Variants in CDH4 observed in about 807,000 individuals in gnomAD.
CDH4 encodes the protein cadherin-4.
Under a neutral mutation model 86.0 loss-of-function variants are expected in CDH4, and 33 were observed. The ratio of observed to expected loss-of-function variants is 0.38; its 90% confidence interval spans 0.29 to 0.51. CDH4 has a LOEUF of 0.51. CDH4 is among the 20% of genes least tolerant of loss of function. The pLI, the probability that CDH4 is intolerant of heterozygous loss-of-function variation, is 0.86. For synonymous variants in CDH4, 555 were observed against 549.4 expected, an observed-to-expected ratio of 1.01 and a Z score of -0.14; for missense variants, 1,114 against 1,307.4, an observed-to-expected ratio of 0.85 and a Z score of 2.28.
intron 8 of CDH4, among the ~76,000 whole-genome samples, chr20:61,898,731 G>A (rs906196742): frequency 2.0e-5 from 3 of 152,182 alleles, no homozygotes; most frequent in Non-Finnish European, 4.4e-5. Flanking sequence ...ATTTTATCCC[G>A]GCTTTCCACC....
chr20:61,402,552 C>T (rs2085055390), intron 2 of CDH4, among the ~76,000 whole-genome samples: 1 of 152,102 alleles, frequency 6.6e-6, no homozygotes, highest in African/African-American at 2.4e-5. Flanking sequence ...CCACCATGCC[C>T]TGCTAATTTT....
chr20:61,732,671 C>T (rs1052586390), intron 2 of CDH4, among the ~76,000 whole-genome samples: 2 of 152,350 alleles, frequency 1.3e-5, no homozygotes, highest in East Asian at 3.9e-4. Flanking sequence ...GCACGTCCAG[C>T]TGCCAGCTCA....
chr20:61,354,823 T>G (rs28623328), intron 2 of CDH4, among the ~76,000 whole-genome samples: 39,167 of 152,144 alleles, frequency 0.26, 5,315 homozygotes, highest in South Asian at 0.37. Flanking sequence ...TGCTGGAACC[T>G]GCCAGGGGTG....
chr20:61,634,815 C>G (rs1001150051), intron 2 of CDH4, among the ~76,000 whole-genome samples: 6 of 152,366 alleles, frequency 3.9e-5, no homozygotes, highest in Non-Finnish European at 7.3e-5. Flanking sequence ...CTTCCCACTT[C>G]CCCTCCTGCC....
chr20:61,732,665 G>C (rs935551469), intron 2 of CDH4, among the ~76,000 whole-genome samples: 3 of 152,190 alleles, frequency 2.0e-5, no homozygotes, highest in Non-Finnish European at 4.4e-5. Context: ...AGCCAGGCAC[G>C]TCCAGCTGCC....
chr20:61,531,472 CAAAAA>C (rs956436259), intron 2 of CDH4, among the ~76,000 whole-genome samples: 2 of 44,098 alleles, frequency 4.5e-5, no homozygotes, highest in Admixed American at 2.3e-4. Flanking sequence ...GACTGCATCT[CAAAAA>C]AAAAAAAAAA....
At chr20:61,896,617 A>G (rs1985135149) in intron 8 of CDH4, among the ~76,000 whole-genome samples, 1 of 152,248 alleles carries the variant, frequency 6.6e-6, no homozygotes, top group Non-Finnish European at 1.5e-5. Context: ...CAGCCCCAGG[A>G]TGCAACAGCT....
At chr20:61,932,125 T>C (rs1432374132) in intron 13 of CDH4, among the ~76,000 whole-genome samples, 1 of 152,126 alleles carries the variant, frequency 6.6e-6, no homozygotes, top group Non-Finnish European at 1.5e-5. Context: ...CAAGACACTG[T>C]GTGCCTAAAA....
intron 9 of CDH4, among the ~76,000 whole-genome samples, chr20:61,916,107 T>C (rs1239032634): frequency 6.6e-6 from 1 of 152,166 alleles, no homozygotes; most frequent in Non-Finnish European, 1.5e-5. Flanking sequence ...TAGAAAACAT[T>C]TCCAAAATTG....
intron 2 of CDH4, among the ~76,000 whole-genome samples, chr20:61,265,618 G>A: frequency 6.6e-6 from 1 of 152,234 alleles, no homozygotes; most frequent in South Asian, 2.1e-4. Context: ...GACCTTAGTG[G>A]TTCCTTCTTT....
chr20:61,795,831 GTGAATGAATGAATGAGTGAA>G (rs1392278490), intron 4 of CDH4, among the ~76,000 whole-genome samples: 11 of 152,222 alleles, frequency 7.2e-5, no homozygotes, highest in African/African-American at 2.2e-4. Context: ...TGTTGCATGA[GTGAATGAATGAATGAGTGAA>G]TGAATGAATG....
chr20:61,754,626 C>T lies in CDH4; in HGVS notation c.396+10837C>T, dbSNP rs2088537044. On this transcript the variant is annotated intron_variant, in intron 3 of 15. Coordinates refer to ENST00000614565, the MANE Select transcript of CDH4 (RefSeq NM_001794.5). The surrounding 1 kb of genome is among the most constrained non-coding windows in gnomAD (Gnocchi z 4.7). ...CCACACACACGGTGCACGGCACACA[C>T]ACCACACACACACGCCCCACACACC... 6.6e-6 allele frequency among the ~76,000 whole-genome samples: 1 copy of T among 151,836 alleles called. No individual in the cohort carries two copies. The highest frequency in any genetic ancestry group is 1.5e-5 in the Non-Finnish European group (1 of 67,948).
intron 4 of CDH4, among the ~76,000 whole-genome samples, chr20:61,817,935 G>A (rs1377372028): frequency 6.6e-6 from 1 of 152,220 alleles, no homozygotes; most frequent in African/African-American, 2.4e-5. Flanking sequence ...TTGACCTCCA[G>A]TAACCCAGGA....
At chr20:61,324,929 C>T (rs1038461524) in intron 2 of CDH4, among the ~76,000 whole-genome samples, 3 of 152,126 alleles carry the variant, frequency 2.0e-5, no homozygotes, top group African/African-American at 4.8e-5. Flanking sequence ...GAACAATTTC[C>T]GAGACCACAT....
At position 61,362,584 on chromosome 20, in the gene CDH4, C is replaced by T. The variant is rs577797056; in HGVS notation, c.169+107647C>T. ...AGGACAGCGTAGTGGAGAGCAGAGA[C>T]GTGGCCTAGGACAGTGTAGTGGAAG... On this transcript the variant is annotated intron_variant, in intron 2 of 15. Coordinates refer to ENST00000614565, the MANE Select transcript of CDH4 (RefSeq NM_001794.5). Among the ~76,000 whole-genome samples the T allele has an allele frequency of 4.0e-5, 6 of 151,622 alleles. No homozygotes were observed. The East Asian group carries it at 5.9e-4, about 15-fold the overall frequency.
Position 61,783,084 on chromosome 20 carries a change from CA to C in CDH4, c.576+9911del, listed in dbSNP as rs552249901. Among the ~76,000 whole-genome samples the C allele has an allele frequency of 4.3e-3, 646 of 150,560 alleles. 3 individuals are homozygous for C. The highest frequency in any genetic ancestry group is 0.021 in the South Asian group (100 of 4,784). On this transcript the variant is annotated intron_variant, in intron 4 of 15. Transcript: ENST00000614565. ...TGGGTAACAGAGTGAGACCTTGTTT[CA>C]AAAAAAAAGAATTTCTTTATATATG...
At chr20:61,302,689 G>C (rs1015637390) in intron 2 of CDH4, among the ~76,000 whole-genome samples, 1 of 152,188 alleles carries the variant, frequency 6.6e-6, no homozygotes, top group Non-Finnish European at 1.5e-5. Context: ...ACCTGTTTCG[G>C]TTCCCTGAGC....
intron 2 of CDH4, among the ~76,000 whole-genome samples, chr20:61,412,645 C>T (rs753292325): frequency 1.3e-5 from 2 of 152,194 alleles, no homozygotes; most frequent in Non-Finnish European, 2.9e-5. Context: ...AAGATGGGCC[C>T]AGCCCCACCT....
chr20:61,391,109 T>C (rs2084983025), intron 2 of CDH4, among the ~76,000 whole-genome samples: 1 of 152,068 alleles, frequency 6.6e-6, no homozygotes. Context: ...GGGTGCCAGG[T>C]TGAAGGTCTG....
Sources: allele counts gnomAD v4.1 joint callset (sites outside exome capture counted in the v4.1 genomes callset), GRCh38; gene constraint gnomAD v4.1.1; non-coding constraint Gnocchi (gnomAD v3.1); transcripts MANE v1.5; gene names NCBI Gene and HGNC (gene_info 2026-07-23, HGNC 2026-07-21).